CENPM: variants seen among roughly 807,000 people sequenced by gnomAD.
CENPM encodes interphase centromere complex protein 39.
In CENPM, 14 loss-of-function variants were observed where a neutral mutation model predicts 19.6. The ratio of observed to expected loss-of-function variants is 0.71; its 90% CI spans 0.47 to 1.11. The LOEUF (loss-of-function observed/expected upper bound fraction) is 1.11. Among genes scored for constraint, CENPM ranks in the 50% most tolerant of loss-of-function variants. The pLI is 0.00. For synonymous variants in CENPM, 114 were observed against 101.5 expected (o/e 1.12, Z -0.74); for missense variants, 239 against 228.4 (o/e 1.05, Z -0.30).
chr22:41,942,249 C>G (rs1043209400), intron 5 of CENPM, among the ~76,000 whole-genome samples: 8 of 152,180 alleles, frequency 5.3e-5, no homozygotes, highest in African/African-American at 1.9e-4. Flanking sequence ...GTAGACCCAT[C>G]GCGGGGAGCA....
intron 5 of CENPM, among the ~76,000 whole-genome samples, chr22:41,942,261 A>G (rs955161985): frequency 2.6e-5 from 4 of 152,232 alleles, no homozygotes; most frequent in African/African-American, 9.6e-5. Context: ...CGGGGAGCAC[A>G]TCAACTCCTG....
At chr22:41,930,231 G>T in the CENPM span, among the ~76,000 whole-genome samples, 1 of 143,978 alleles carries the variant, frequency 6.9e-6, no homozygotes, top group African/African-American at 2.6e-5. Flanking sequence ...GTGAGCCACC[G>T]CGTCCCTTTT....
intron 5 of CENPM, among the ~76,000 whole-genome samples, chr22:41,941,320 T>C (rs1051851364): frequency 5.3e-5 from 8 of 152,186 alleles, no homozygotes; most frequent in African/African-American, 1.7e-4. Context: ...GTTCAAACCC[T>C]GGGTGCTCCA....
chr22:41,929,897 G>A, the CENPM span, among the ~76,000 whole-genome samples: 1 of 138,032 alleles, frequency 7.2e-6, no homozygotes, highest in Non-Finnish European at 1.6e-5. Context: ...TGTGGGGAAT[G>A]TTAGTTTACT....
intron 1 of CENPM, 44 bp from the exon 2 acceptor site, chr22:41,946,540 A>G (rs767796208): frequency 1.3e-6 from 2 of 1,549,862 alleles, no homozygotes; most frequent in South Asian, 2.3e-5. Flanking sequence ...TAGGCACAGC[A>G]CCCCCTGGGG....
downstream of CENPM, among the ~76,000 whole-genome samples, chr22:41,934,274 C>T (rs1242363291): frequency 1.3e-5 from 2 of 152,180 alleles, no homozygotes; most frequent in African/African-American, 4.8e-5. Flanking sequence ...CGGGCCTGGA[C>T]CACTGGCCAT....
chr22:41,941,685 C>T (rs1019741199), intron 5 of CENPM, among the ~76,000 whole-genome samples: 2 of 152,248 alleles, frequency 1.3e-5, no homozygotes, highest in Non-Finnish European at 2.9e-5. Context: ...GTCGCCTGTT[C>T]TCTCTGGGAG....
At position 41,939,188 on chromosome 22, in the gene CENPM, G is replaced by A; in HGVS notation, c.411C>T (p.Gly137=). The change falls in exon 6 of 6, where the codon GGC becomes GGT. Residue 137 remains glycine, a synonymous_variant. Coordinates refer to ENST00000215980, the MANE Select transcript of CENPM (RefSeq NM_024053.5). ...GGCGCTGCGCCATGGTGGCCCTAAA[G>A]CCTTCCACCTGCGGGGAGAGCAGAG... is the stretch of plus-strand genomic sequence containing the variant. ...PLLYCDLEVE[G]FRATMAQRLV... 1.2e-6 allele frequency: 2 copies of A among 1,610,968 alleles called. No individual in the cohort carries two copies. The highest frequency in any genetic ancestry group is 8.5e-7 in the Non-Finnish European group (1 of 1,179,170).
At chr22:41,932,845 C>T in the CENPM span, among the ~76,000 whole-genome samples, 8 of 152,298 alleles carry the variant, frequency 5.3e-5, no homozygotes, top group Non-Finnish European at 8.8e-5. The surrounding 1 kb of genome is among the most constrained non-coding windows in gnomAD (Gnocchi z 4.3). Context: ...ACGCAGAGGC[C>T]GACCCCTGCG....
chr22:41,946,425 C>T lies in CENPM; in HGVS notation c.129G>A (p.Glu43=), dbSNP rs563254908. ...CAGCCGCGGCTACTTACACCTTCAG[C>T]TCGGAGGCGCAGTCCTCTTTGAGCA... ...DSMLKEDCAS[E]LKVHLAKSLP... is the part of the protein sequence containing the mutation. The change falls in exon 2 of 6, where the codon GAG becomes GAA. Residue 43 remains glutamate (E), a synonymous_variant. Transcript: ENST00000215980. The T allele has an allele frequency of 6.8e-6, 11 of 1,612,972 alleles. No individual in the cohort carries two copies. Among genetic ancestry groups the T allele is most frequent in the Admixed American group, 1.7e-5 (1 of 59,988 alleles).
chr22:41,942,412 A>C (rs899127364), intron 5 of CENPM, among the ~76,000 whole-genome samples: 2 of 152,080 alleles, frequency 1.3e-5, no homozygotes, highest in African/African-American at 4.8e-5. Context: ...GGAGTTCAAA[A>C]CCAGTGTGGG....
chr22:41,945,375 C>T, intron 3 of CENPM, 71 bp from the exon 4 acceptor site: 9 of 1,598,212 alleles, frequency 5.6e-6, no homozygotes, highest in Non-Finnish European at 7.7e-6. Flanking sequence ...AGCAGAAGTC[C>T]TTGCTTCTCT....
chr22:41,928,840 TC>T, the CENPM span, among the ~76,000 whole-genome samples: 1 of 152,024 alleles, frequency 6.6e-6, no homozygotes, highest in Non-Finnish European at 1.5e-5. The surrounding 1 kb of genome is among the most constrained non-coding windows in gnomAD (Gnocchi z 4.0). Flanking sequence ...GTGGCCCACG[TC>T]CAGGGCAGGT....
chr22:41,938,878 GC>G lies in CENPM; in HGVS notation c.*177del, dbSNP rs2077698003. 1 of 690,864 alleles carries G rather than the reference GC, an allele frequency of 1.4e-6. No individual in the cohort carries two copies. The highest frequency in any genetic ancestry group is 2.3e-6 in the Non-Finnish European group (1 of 427,956). The allele number at this position is 690,864 out of a possible 1,614,324, so 42.8% of individuals were successfully genotyped here. On this transcript the variant is annotated 3_prime_UTR_variant, in exon 6 of 6. Transcript: ENST00000215980. Reference sequence around the variant, plus strand: ...AGGGGGCTACAGTCTCGCCAGCTGGGCCCCCTCGCTGCTTCTGCCCAGCTCT... The same window carrying G: ...AGGGGGCTACAGTCTCGCCAGCTGGGCCCCTCGCTGCTTCTGCCCAGCTCT...
At chr22:41,944,256 G>C in intron 4 of CENPM, 1 of 374,790 alleles carries the variant, frequency 2.7e-6, no homozygotes. Context: ...GGCCAACATG[G>C]TGAAACCCCA....
intron 5 of CENPM, among the ~76,000 whole-genome samples, chr22:41,939,864 G>GAAGGAA (rs2077718611): frequency 1.9e-5 from 1 of 53,802 alleles, no homozygotes; most frequent in African/African-American, 7.0e-5. Context: ...AAGAAAGAAA[G>GAAGGAA]AAAGAAAGAA....
chr22:41,944,429 C>T (rs1017770789), intron 4 of CENPM, among the ~76,000 whole-genome samples: 4 of 128,106 alleles, frequency 3.1e-5, no homozygotes, highest in Non-Finnish European at 3.2e-5. Flanking sequence ...GAGCGAGACT[C>T]CGTCTCAAAA....
intron 5 of CENPM, among the ~76,000 whole-genome samples, chr22:41,942,024 G>T (rs2077744120): frequency 6.6e-6 from 1 of 152,178 alleles, no homozygotes; most frequent in African/African-American, 2.4e-5. Context: ...AGGGACCCTG[G>T]TCTAGACAGT....
the CENPM span, among the ~76,000 whole-genome samples, chr22:41,928,618 T>G: frequency 0.39 from 58,765 of 151,914 alleles, 15,688 homozygotes; most frequent in African/African-American, 0.74. The surrounding 1 kb of genome is among the most constrained non-coding windows in gnomAD (Gnocchi z 4.0). Flanking sequence ...GGCGGAGGGC[T>G]GCAGGGGCTA....
Sources: allele counts gnomAD v4.1 joint callset (sites outside exome capture counted in the v4.1 genomes callset), GRCh38; gene constraint gnomAD v4.1.1; non-coding constraint Gnocchi (gnomAD v3.1); transcripts MANE v1.5; gene names NCBI Gene and HGNC (gene_info 2026-07-23, HGNC 2026-07-21).